Variants in TWSG1 observed in about 807,000 individuals in gnomAD.
The protein encoded by TWSG1 is twisted gastrulation protein homolog 1.
In TWSG1, 15 loss-of-function variants were observed where a neutral mutation model predicts 23.0. That is an observed-to-expected ratio of 0.65 (90% confidence interval 0.44 to 1.00). The LOEUF is 1.00. Ranked by LOEUF, TWSG1 falls within the 50% of genes least tolerant of loss-of-function variation. The pLI, the probability that TWSG1 is intolerant of heterozygous loss-of-function variation, is 0.00. For synonymous variants in TWSG1, 86 were observed against 92.8 expected (o/e 0.93, Z 0.42); for missense variants, 242 against 278.7 (o/e 0.87, Z 0.94).
chr18:9,369,270 C>T (rs773935182), intron 3 of TWSG1, among the ~76,000 whole-genome samples: 7 of 151,808 alleles, frequency 4.6e-5, no homozygotes, highest in Non-Finnish European at 8.8e-5. Context: ...TATTCTGATC[C>T]TTTGCCCGTT....
intron 3 of TWSG1, among the ~76,000 whole-genome samples, chr18:9,373,160 A>T (rs937019164): frequency 3.9e-5 from 6 of 152,216 alleles, no homozygotes; most frequent in African/African-American, 1.4e-4. Context: ...AGAGATAAAG[A>T]GGGACATTAC....
At chr18:9,358,486 G>T (rs544930399) in intron 2 of TWSG1, among the ~76,000 whole-genome samples, 1 of 152,262 alleles carries the variant, frequency 6.6e-6, no homozygotes, top group Admixed American at 6.5e-5. Context: ...GACAGGGTGG[G>T]AATCAAAGGC....
chr18:9,364,663 A>G lies in TWSG1; in HGVS notation c.223+4592A>G, dbSNP rs976820516. Among the ~76,000 whole-genome samples the G allele has an allele frequency of 1.2e-4, 18 of 152,140 alleles. No individual in the cohort carries two copies. The South Asian group carries it at 1.2e-3, about 11-fold the overall frequency. On this transcript the variant is annotated intron_variant, in intron 3 of 4. Transcript: ENST00000262120. Reference sequence around the variant, plus strand: ...ACAAAAATTAGCCAGGTGTGGTGGTAGGCACCTGTAATCCCAGCGACAAGG... The same window carrying G: ...ACAAAAATTAGCCAGGTGTGGTGGTGGGCACCTGTAATCCCAGCGACAAGG...
chr18:9,382,814 A>AAAAAAAAAAAAAC (rs372801301), intron 3 of TWSG1, among the ~76,000 whole-genome samples: 4 of 137,068 alleles, frequency 2.9e-5, no homozygotes, highest in Non-Finnish European at 6.1e-5. Context: ...CTCAAAAAAA[A>AAAAAAAAAAAAAC]AAAAACAAAA....
In TWSG1 at chr18:9,396,288, A is replaced by T. The variant is rs2040735249; in HGVS notation, c.232A>T (p.Asn78Tyr). Residue 78 changes from asparagine (N) to tyrosine (Y), a missense_variant, in exon 4 of 5, where the codon AAT becomes TAT. Transcript: ENST00000262120. ...TATTACCCCCAACCCAGGTATGTGTAATCCTCGAAATTATAGTGACACACC... is the reference window on the plus strand; with the variant it reads ...TATTACCCCCAACCCAGGTATGTGTTATCCTCGAAATTATAGTGACACACC... The part of the protein sequence containing the change: ...DECCDCVGMC[N>Y]PRNYSDTPPT... 6.2e-7 allele frequency: 1 copy of T among 1,614,060 alleles called. No individual in the cohort carries two copies. Among genetic ancestry groups the T allele is most frequent in the Non-Finnish European group, 8.5e-7 (1 of 1,179,972 alleles).
intron 4 of TWSG1, chr18:9,396,963 C>T (rs1200963918): frequency 2.8e-5 from 5 of 179,446 alleles, no homozygotes; most frequent in Non-Finnish European, 4.6e-5. Flanking sequence ...GAGGCTGAGG[C>T]AGGAGAATTG....
At chr18:9,340,393 AAAGAT>A (rs1429116084) in intron 2 of TWSG1, among the ~76,000 whole-genome samples, 5 of 151,612 alleles carry the variant, frequency 3.3e-5, no homozygotes, top group African/African-American at 9.7e-5. Context: ...AAAAAAAAGA[AAAGAT>A]CTAGGGCTCA....
At chr18:9,350,324 G>T (rs138486089) in intron 2 of TWSG1, among the ~76,000 whole-genome samples, 1 of 152,238 alleles carries the variant, frequency 6.6e-6, no homozygotes, top group East Asian at 1.9e-4. Context: ...TATATAAATG[G>T]AGATTAAAAT....
rs117238172 is a variant in TWSG1, at chr18:9,390,857, G to C, written c.224-5423G>C. On this transcript the variant is annotated intron_variant, in intron 3 of 4. Transcript: ENST00000262120. Reference sequence around the variant, plus strand: ...TGAGACCCCATCTCTACAAAAAATGGAAAAAATTAGCTGGGCGTGGTGGTG... The same window carrying C: ...TGAGACCCCATCTCTACAAAAAATGCAAAAAATTAGCTGGGCGTGGTGGTG... Among the ~76,000 whole-genome samples the C allele has an allele frequency of 5.8e-3, 887 of 152,110 alleles. 2 individuals carry two copies. The highest frequency in any genetic ancestry group is 0.018 in the South Asian group (85 of 4,812).
chr18:9,347,998 A>G (rs926699171), intron 2 of TWSG1, among the ~76,000 whole-genome samples: 1 of 152,074 alleles, frequency 6.6e-6, no homozygotes, highest in Non-Finnish European at 1.5e-5. Context: ...CTTCAAATGT[A>G]TACATTTCTT....
At chr18:9,351,332 T>A (rs1302318764) in intron 2 of TWSG1, among the ~76,000 whole-genome samples, 1 of 152,204 alleles carries the variant, frequency 6.6e-6, no homozygotes, top group Non-Finnish European at 1.5e-5. Flanking sequence ...CTTACTATTT[T>A]GATATAGCTC....
In TWSG1 at chr18:9,396,511, G is replaced by A; in HGVS notation, c.455G>A (p.Ser152Asn). ...CACCACCAGAATGTGTCTGTCCCCAGCAATAATGTTCACGCGCCTTATTCC... is the reference window on the plus strand; with the variant it reads ...CACCACCAGAATGTGTCTGTCCCCAACAATAATGTTCACGCGCCTTATTCC... The part of the protein sequence containing the change: ...QPHHQNVSVP[S>N]NNVHAPYSSD... Residue 152 changes from serine to asparagine, a missense_variant, in exon 4 of 5, where the codon AGC (serine) becomes AAC (asparagine). Physicochemically the swap from Ser to Asn is conservative, Grantham distance 46. Coordinates refer to ENST00000262120, the MANE Select transcript of TWSG1 (RefSeq NM_020648.6). The A allele has an allele frequency of 6.2e-7, 1 of 1,613,698 alleles. No individual in the cohort carries two copies. Among genetic ancestry groups the A allele is most frequent in the Non-Finnish European group, 8.5e-7 (1 of 1,180,034 alleles).
At chr18:9,337,741 T>G (rs1050465423) in intron 2 of TWSG1, among the ~76,000 whole-genome samples, 1 of 152,224 alleles carries the variant, frequency 6.6e-6, no homozygotes, top group African/African-American at 2.4e-5. Flanking sequence ...ATGTATTAGT[T>G]GTCCATTGCT....
chr18:9,349,880 G>A (rs1015125141), intron 2 of TWSG1, among the ~76,000 whole-genome samples: 6 of 152,098 alleles, frequency 3.9e-5, no homozygotes, highest in Admixed American at 1.3e-4. Context: ...AGTGGCTCAC[G>A]CCTGTAATCC....
At chr18:9,395,999 C>T (rs2145636287) in intron 3 of TWSG1, among the ~76,000 whole-genome samples, 1 of 152,166 alleles carries the variant, frequency 6.6e-6, no homozygotes, top group East Asian at 1.9e-4. Context: ...GTTCCTGGCT[C>T]ACTTTGTACT....
At chr18:9,396,198 GA>G in intron 3 of TWSG1, 81 bp from the exon 4 acceptor site, 1 of 833,986 alleles carries the variant, frequency 1.2e-6, no homozygotes, top group East Asian at 3.0e-5. Context: ...TGTAATCCTA[GA>G]AGTTACATAA....
At chr18:9,355,467 ATAT>A (rs1182770180) in intron 2 of TWSG1, among the ~76,000 whole-genome samples, 3 of 152,204 alleles carry the variant, frequency 2.0e-5, no homozygotes, top group African/African-American at 7.2e-5. Flanking sequence ...GCTGTTAAAA[ATAT>A]TATACATTTC....
At chr18:9,398,353 C>G (rs1315078587) in intron 4 of TWSG1, among the ~76,000 whole-genome samples, 2 of 152,200 alleles carry the variant, frequency 1.3e-5, no homozygotes, top group African/African-American at 2.4e-5. Context: ...CAAGACACAA[C>G]TAAAGTTTTT....
At chr18:9,391,430 GT>G (rs2040712144) in intron 3 of TWSG1, among the ~76,000 whole-genome samples, 1 of 152,176 alleles carries the variant, frequency 6.6e-6, no homozygotes, top group Non-Finnish European at 1.5e-5. Flanking sequence ...ATCTAGAATA[GT>G]GAATCCTTTC....
Sources: gnomAD v4.1 joint callset for allele counts (sites outside exome capture counted in the v4.1 genomes callset) on GRCh38, gnomAD v4.1.1 for gene constraint, MANE v1.5 for transcripts, NCBI Gene and HGNC (gene_info 2026-07-23, HGNC 2026-07-21) for gene names.